The following PSD3 variants were observed in gnomAD, a reference collection of about 807,000 sequenced individuals.
PSD3 encodes the protein PH and SEC7 domain-containing protein 3.
In PSD3, 49 loss-of-function variants were observed where a neutral mutation model predicts 105.5. The ratio of observed to expected loss-of-function variants is 0.46; its 90% CI spans 0.37 to 0.59. The LOEUF is 0.59. Among genes scored for constraint, PSD3 ranks in the 20% least tolerant of loss-of-function variants. PSD3 has a pLI of 0.00. For missense variants in PSD3, 1,561 were observed against 1,263.8 expected (o/e 1.24, Z -3.57); for synonymous variants, 557 against 457.8 (o/e 1.22, Z -2.77).
chr8:18,719,158 C>T (rs1802788060), intron 9 of PSD3, among the ~76,000 whole-genome samples: 1 of 152,098 alleles, frequency 6.6e-6, no homozygotes, highest in African/African-American at 2.4e-5. Context: ...CTCTGTTTGG[C>T]CAATAAACGA....
At chr8:18,994,519 T>C (rs1825964002) in intron 1 of PSD3, among the ~76,000 whole-genome samples, 1 of 152,090 alleles carries the variant, frequency 6.6e-6, no homozygotes, top group Non-Finnish European at 1.5e-5. Context: ...TGCTGTCTAA[T>C]ACGACAGTCA....
At chr8:18,602,659 T>C (rs1457769793) in intron 11 of PSD3, among the ~76,000 whole-genome samples, 1 of 152,000 alleles carries the variant, frequency 6.6e-6, no homozygotes, top group Non-Finnish European at 1.5e-5. Context: ...CTATTGATAC[T>C]TCCATCTTAC....
chr8:18,599,005 T>C (rs529258329), intron 12 of PSD3, among the ~76,000 whole-genome samples: 3 of 152,172 alleles, frequency 2.0e-5, no homozygotes, highest in Non-Finnish European at 2.9e-5. Context: ...ATAAAATCCC[T>C]GTGAATATCC....
rs970228876 is a variant in PSD3, at chr8:18,976,741, C to G, written c.21+36822G>C. Reference sequence around the variant, plus strand: ...ATCGTACTATGTAGCAGGCACTGTTCTATGCATTTATCCATAGTAGCTGAT... The same window carrying G: ...ATCGTACTATGTAGCAGGCACTGTTGTATGCATTTATCCATAGTAGCTGAT... On this transcript the variant is annotated intron_variant, in intron 1 of 15. Transcript: ENST00000327040. Among the ~76,000 whole-genome samples the G allele has an allele frequency of 8.5e-5, 13 of 152,290 alleles. No homozygotes were observed. The East Asian group carries it at 2.5e-3, about 29-fold the overall frequency.
At chr8:18,611,591 T>C (rs1805269431) in intron 11 of PSD3, among the ~76,000 whole-genome samples, 1 of 84,716 alleles carries the variant, frequency 1.2e-5, no homozygotes, top group Non-Finnish European at 3.1e-5. Flanking sequence ...ATCCTTTGGA[T>C]TTTTTTTTTA....
intron 2 of PSD3, among the ~76,000 whole-genome samples, chr8:18,908,771 T>C (rs967437171): frequency 6.6e-6 from 1 of 152,212 alleles, no homozygotes; most frequent in East Asian, 1.9e-4. Context: ...TATCTCCTTA[T>C]AAGCAATGAC....
intron 2 of PSD3, among the ~76,000 whole-genome samples, chr8:18,918,585 G>T (rs1179702599): frequency 6.6e-6 from 1 of 152,196 alleles, no homozygotes; most frequent in Non-Finnish European, 1.5e-5. Flanking sequence ...GAAGTTTTTA[G>T]CATCTGGTAC....
chr8:18,766,953 C>A (rs1255318404), intron 8 of PSD3, among the ~76,000 whole-genome samples: 2 of 151,840 alleles, frequency 1.3e-5, no homozygotes, highest in African/African-American at 4.8e-5. Context: ...CCAGCTCTAC[C>A]TTCCAGGGAG....
intron 1 of PSD3, among the ~76,000 whole-genome samples, chr8:19,037,464 A>G (rs1827982350): frequency 6.6e-6 from 1 of 152,232 alleles, no homozygotes; most frequent in South Asian, 2.1e-4. Flanking sequence ...TTCATGTATT[A>G]AACAGACAGG....
intron 4 of PSD3, among the ~76,000 whole-genome samples, chr8:18,809,790 TAC>T (rs1811536414): frequency 6.6e-6 from 1 of 152,228 alleles, no homozygotes; most frequent in Non-Finnish European, 1.5e-5. Context: ...ACTGTTTTTC[TAC>T]AGTTTTATCA....
intron 1 of PSD3, among the ~76,000 whole-genome samples, chr8:19,080,292 C>G (rs745373714): frequency 6.6e-6 from 1 of 152,068 alleles, no homozygotes; most frequent in Non-Finnish European, 1.5e-5. Flanking sequence ...GAAAGATTTC[C>G]TGGAGACAAT....
At chr8:19,056,642 CCTT>C (rs775575216) in intron 1 of PSD3, among the ~76,000 whole-genome samples, 6 of 152,190 alleles carry the variant, frequency 3.9e-5, no homozygotes, top group African/African-American at 7.2e-5. Flanking sequence ...CAGTTTGGCT[CCTT>C]CATCAACTAT....
intron 11 of PSD3, among the ~76,000 whole-genome samples, chr8:18,614,760 C>T (rs1312908503): frequency 6.6e-6 from 1 of 151,942 alleles, no homozygotes; most frequent in African/African-American, 2.4e-5. Context: ...TCCTGAGAAG[C>T]TGGGACTACA....
intron 9 of PSD3, among the ~76,000 whole-genome samples, chr8:18,680,107 A>G (rs898223019): frequency 6.6e-6 from 1 of 152,220 alleles, no homozygotes; most frequent in Non-Finnish European, 1.5e-5. Context: ...ACTTTTACAG[A>G]TTTATGTTTT....
intron 3 of PSD3, among the ~76,000 whole-genome samples, chr8:18,870,665 A>G (rs1817271306): frequency 6.7e-6 from 1 of 149,524 alleles, no homozygotes; most frequent in Non-Finnish European, 1.5e-5. Context: ...TGTACCCCAG[A>G]ACCTAAAGTA....
At chr8:18,686,342 T>C (rs964499661) in intron 9 of PSD3, among the ~76,000 whole-genome samples, 4 of 152,236 alleles carry the variant, frequency 2.6e-5, no homozygotes, top group Admixed American at 6.5e-5. Context: ...AGAGCCAGCA[T>C]GCAGATTCTC....
chr8:18,735,327 T>C (rs17127121), intron 9 of PSD3, among the ~76,000 whole-genome samples: 11,409 of 152,198 alleles, frequency 0.075, 474 homozygotes, highest in Middle Eastern at 0.11. Flanking sequence ...TAAGAAGAGA[T>C]AACTATGTTG....
chr8:19,009,024 T>G (rs1826832959), intron 1 of PSD3, among the ~76,000 whole-genome samples: 1 of 152,200 alleles, frequency 6.6e-6, no homozygotes, highest in South Asian at 2.1e-4. Context: ...AAAAAGAAAT[T>G]AAAATACATT....
At chr8:18,779,569 GTATT>G (rs1383757454) in intron 8 of PSD3, among the ~76,000 whole-genome samples, 1 of 151,700 alleles carries the variant, frequency 6.6e-6, no homozygotes, top group Non-Finnish European at 1.5e-5. Context: ...CTTCATGTAA[GTATT>G]TGTTGCTATT....
Sources: gnomAD v4.1 joint callset for allele counts (sites outside exome capture counted in the v4.1 genomes callset) on GRCh38, gnomAD v4.1.1 for gene constraint, MANE v1.5 for transcripts, NCBI Gene and HGNC (gene_info 2026-07-23, HGNC 2026-07-21) for gene names.